Variants in LRBA observed in about 807,000 individuals in gnomAD.
The protein encoded by LRBA is lipopolysaccharide-responsive and beige-like anchor protein.
LRBA carries 176 observed loss-of-function variants against 330.0 expected under a neutral mutation model. The observed-to-expected ratio is 0.53, with a 90% confidence interval of 0.47 to 0.60. LRBA has a LOEUF of 0.60. Among genes scored for constraint, LRBA ranks in the 20% least tolerant of loss-of-function variants. LRBA has a pLI of 0.00. For synonymous variants in LRBA, 1,230 were observed against 1,193.0 expected (o/e 1.03, Z -0.64); for missense variants, 3,259 against 3,444.8 (o/e 0.95, Z 1.35).
intron 31 of LRBA, among the ~76,000 whole-genome samples, chr4:150,814,075 A>T (rs1242872895): frequency 1.3e-5 from 2 of 152,064 alleles, no homozygotes; most frequent in African/African-American, 4.8e-5. Context: ...ATTGAAAGTG[A>T]AAAATAGAAT....
At chr4:150,897,595 A>C (rs13128053) in intron 15 of LRBA, 144 bp downstream of exon 15, 1 of 600,298 alleles carries the variant, frequency 1.7e-6, no homozygotes, top group African/African-American at 1.8e-5. Context: ...AAGAACCAAA[A>C]CAAACATGGA....
chr4:150,618,689 C>T (rs1254245834), intron 37 of LRBA, among the ~76,000 whole-genome samples: 1 of 151,994 alleles, frequency 6.6e-6, no homozygotes, highest in Non-Finnish European at 1.5e-5. Context: ...ATGTCCTAGT[C>T]AGTTCATTAG....
At chr4:150,418,062 C>T (rs540584967) in intron 46 of LRBA, among the ~76,000 whole-genome samples, 116 of 150,802 alleles carry the variant, frequency 7.7e-4, no homozygotes, top group Non-Finnish European at 1.4e-3. Context: ...CACTCTGTCA[C>T]CCAGGTTGGA....
chr4:150,725,047 T>C (rs1243081363), intron 36 of LRBA, among the ~76,000 whole-genome samples: 1 of 151,500 alleles, frequency 6.6e-6, no homozygotes, highest in Non-Finnish European at 1.5e-5. Context: ...AGACAGGCTA[T>C]TTGAAAATAC....
chr4:150,956,379 C>T lies in LRBA; in HGVS notation c.217-27314G>A, dbSNP rs74644768. On this transcript the variant is annotated intron_variant, in intron 2 of 56. Coordinates refer to ENST00000651943, the MANE Select transcript of LRBA (RefSeq NM_001364905.1). ...AGAATTAAATTAGTAATAAAAAAAT[C>T]AACTCACAAAAAACAAAACAAAAAA... Among the ~76,000 whole-genome samples, 195 of 148,432 alleles carry T rather than the reference C, an allele frequency of 1.3e-3. 5 individuals are homozygous for T. The East Asian group carries it at 0.032, about 24-fold the overall frequency.
At chr4:150,979,643 C>A (rs931844105) in intron 2 of LRBA, among the ~76,000 whole-genome samples, 1 of 151,858 alleles carries the variant, frequency 6.6e-6, no homozygotes, top group African/African-American at 2.4e-5. Context: ...TATTAGTTTT[C>A]TTTTTGCTTC....
chr4:150,934,765 T>G (rs866181798), intron 2 of LRBA, among the ~76,000 whole-genome samples: 1 of 151,980 alleles, frequency 6.6e-6, no homozygotes, highest in Non-Finnish European at 1.5e-5. Flanking sequence ...TCCCAGCACT[T>G]TGGGAGGCCG....
intron 47 of LRBA, among the ~76,000 whole-genome samples, chr4:150,359,398 G>A (rs143020776): frequency 1.3e-5 from 2 of 152,250 alleles, no homozygotes; most frequent in Non-Finnish European, 2.9e-5. Context: ...CCTTAATCAA[G>A]AAAGTAGCAT....
At chr4:150,761,216 T>A (rs1735039225) in intron 35 of LRBA, among the ~76,000 whole-genome samples, 1 of 152,246 alleles carries the variant, frequency 6.6e-6, no homozygotes, top group East Asian at 1.9e-4. Flanking sequence ...TTCACTCTTT[T>A]ACATTTGTTT....
chr4:150,839,955 T>G (rs895751018), intron 28 of LRBA, among the ~76,000 whole-genome samples: 4 of 152,184 alleles, frequency 2.6e-5, no homozygotes, highest in Non-Finnish European at 4.4e-5. Flanking sequence ...ATCAATTTCT[T>G]AGCTAGCTCT....
intron 2 of LRBA, among the ~76,000 whole-genome samples, chr4:150,930,298 G>A (rs1371620781): frequency 2.0e-5 from 3 of 147,578 alleles, no homozygotes; most frequent in South Asian, 2.2e-4. Flanking sequence ...CTGGGCAACT[G>A]AGCGAGACTC....
At position 150,942,854 on chromosome 4, in the gene LRBA, T is replaced by C. The variant is rs1183506175; in HGVS notation, c.217-13789A>G. On this transcript the variant is annotated intron_variant, in intron 2 of 56. Coordinates refer to ENST00000651943, the MANE Select transcript of LRBA (RefSeq NM_001364905.1). ...TGTTTCCTTACACCTTCACTAATAA[T>C]CTATTATTTAAGTTAGATTTTTTTT... is the stretch of plus-strand genomic sequence containing the variant. Among the ~76,000 whole-genome samples the C allele has an allele frequency of 3.3e-5, 5 of 152,156 alleles. No homozygotes were observed. In the South Asian group the frequency reaches 1.0e-3, roughly 32 times the overall value.
At chr4:150,505,701 G>A (rs572299913) in intron 40 of LRBA, among the ~76,000 whole-genome samples, 2 of 152,110 alleles carry the variant, frequency 1.3e-5, no homozygotes, top group Non-Finnish European at 2.9e-5. Context: ...ACATTCAAAA[G>A]CTAGCAGAAG....
intron 34 of LRBA, among the ~76,000 whole-genome samples, chr4:150,789,825 G>A (rs1008070815): frequency 2.0e-5 from 3 of 152,126 alleles, no homozygotes; most frequent in African/African-American, 7.2e-5. Flanking sequence ...AATGATAGCT[G>A]AGAAACAGAG....
At chr4:150,884,530 G>A (rs962466089) in intron 17 of LRBA, among the ~76,000 whole-genome samples, 2 of 152,192 alleles carry the variant, frequency 1.3e-5, no homozygotes, top group African/African-American at 4.8e-5. Flanking sequence ...ATCAGAACCT[G>A]TAGCTAAATC....
chr4:150,801,589 T>C (rs966893389), intron 33 of LRBA, among the ~76,000 whole-genome samples: 6 of 152,242 alleles, frequency 3.9e-5, no homozygotes, highest in Non-Finnish European at 8.8e-5. Context: ...TTAGCATTTA[T>C]CTACTTAGAA....
chr4:150,656,790 A>T (rs141654490), intron 37 of LRBA, among the ~76,000 whole-genome samples: 57 of 152,372 alleles, frequency 3.7e-4, no homozygotes, highest in African/African-American at 1.3e-3. Context: ...TGCTTAGAAC[A>T]ATGTTGCAAA....
rs534970017 is a variant in LRBA, at chr4:150,661,239, G to A, written c.5921+22312C>T. 3.6e-4 allele frequency among the ~76,000 whole-genome samples: 55 copies of A among 151,828 alleles called. 1 individual carries two copies. In the South Asian group the frequency reaches 0.011, roughly 29 times the overall value. ...TAATCCCAGCAATTTGGGAGGCTGA[G>A]GCGGGTCAATCACCTGAGGTCAGGA... On this transcript the variant is annotated intron_variant, in intron 37 of 56. Coordinates refer to ENST00000651943, the MANE Select transcript of LRBA (RefSeq NM_001364905.1).
chr4:150,422,563 C>G, intron 46 of LRBA: 1 of 516,532 alleles, frequency 1.9e-6, no homozygotes, highest in Non-Finnish European at 3.5e-6. Flanking sequence ...TGCACCCCGT[C>G]CCTGACCACA....
Sources: gnomAD v4.1 joint callset for allele counts (sites outside exome capture counted in the v4.1 genomes callset) on GRCh38, gnomAD v4.1.1 for gene constraint, MANE v1.5 for transcripts, NCBI Gene and HGNC (gene_info 2026-07-23, HGNC 2026-07-21) for gene names.